PCNT: variants seen among roughly 807,000 people sequenced by gnomAD.
PCNT encodes the protein kendrin.
PCNT carries 319 observed loss-of-function variants against 380.4 expected under a neutral mutation model. That is an observed-to-expected ratio of 0.84 (90% CI 0.77 to 0.92). PCNT has a LOEUF of 0.92. PCNT is among the 40% of genes least tolerant of loss of function. PCNT has a pLI of 0.00. For synonymous variants in PCNT, 1,845 were observed against 1,735.2 expected (o/e 1.06, Z -1.57); for missense variants, 4,400 against 4,255.3 (o/e 1.03, Z -0.95).
chr21:46,324,474 C>T (rs2083289060), intron 1 of PCNT, among the ~76,000 whole-genome samples, 192 bp downstream of exon 1: 2 of 151,658 alleles, frequency 1.3e-5, no homozygotes, highest in South Asian at 2.1e-4. Flanking sequence ...CGCTCTCCGC[C>T]AGGTCCCGCC....
chr21:46,325,229 C>G (rs906539828), intron 1 of PCNT: 2 of 982,130 alleles, frequency 2.0e-6, no homozygotes, highest in Non-Finnish European at 2.4e-6. Context: ...CGCTCCCCCC[C>G]AGGATGTTCT....
chr21:46,413,804 G>A (rs1467823264), intron 29 of PCNT, among the ~76,000 whole-genome samples: 1 of 152,148 alleles, frequency 6.6e-6, no homozygotes, highest in East Asian at 1.9e-4. Context: ...TTTCCCCGGG[G>A]AAGGAGGTTG....
chr21:46,347,494 A>G lies in PCNT; in HGVS notation c.1014A>G (p.Lys338=). The change falls in exon 6 of 47, where the codon AAA becomes AAG. Residue 338 remains lysine (K), a synonymous_variant. Coordinates refer to ENST00000359568, the MANE Select transcript of PCNT (RefSeq NM_006031.6). ...AGAAGTTACAATCAGAAATGGAGAAAAACGCCCAGATAGTAAAGGTACCCG... is the reference window on the plus strand; with the variant it reads ...AGAAGTTACAATCAGAAATGGAGAAGAACGCCCAGATAGTAAAGGTACCCG... ...LKEKLQSEME[K]NAQIVKTLKE... 6.2e-7 allele frequency: 1 copy of G among 1,614,060 alleles called. No homozygotes were observed. The highest frequency in any genetic ancestry group is 1.3e-5 in the African/African-American group (1 of 75,010).
Position 46,388,931 on chromosome 21 carries a change from C to T in PCNT, c.3607+47C>T, listed in dbSNP as rs1442232760. On this transcript the variant is annotated intron_variant, in intron 18 of 46. Transcript: ENST00000359568. The surrounding 1 kb of genome is among the most constrained non-coding windows in gnomAD (Gnocchi z 4.2). Reference sequence around the variant, plus strand: ...GCCCAGCCCTGTGCTTGCAGCCCCTCTGTGGTCCTGGAGCTCTCTGAGAGG... The same window carrying T: ...GCCCAGCCCTGTGCTTGCAGCCCCTTTGTGGTCCTGGAGCTCTCTGAGAGG... 1 of 1,551,104 alleles carries T rather than the reference C, an allele frequency of 6.4e-7. No individual in the cohort carries two copies. Among genetic ancestry groups the T allele is most frequent in the Non-Finnish European group, 8.7e-7 (1 of 1,154,458 alleles).
At chr21:46,380,126 A>AACC (rs2085467288) in intron 15 of PCNT, among the ~76,000 whole-genome samples, 1 of 143,306 alleles carries the variant, frequency 7.0e-6, no homozygotes, top group South Asian at 2.3e-4. Flanking sequence ...GACTGTTTCC[A>AACC]ACCGGTGCCC....
chr21:46,362,094 A>G (rs1250161137), intron 13 of PCNT, among the ~76,000 whole-genome samples: 2 of 152,162 alleles, frequency 1.3e-5, no homozygotes, highest in African/African-American at 2.4e-5. Context: ...TTCAGACTGC[A>G]TGCTCCCCTG....
At chr21:46,331,687 G>A (rs372681359) in intron 2 of PCNT, among the ~76,000 whole-genome samples, 69 of 152,112 alleles carry the variant, frequency 4.5e-4, no homozygotes, top group African/African-American at 9.6e-4. Context: ...GATCACCTGC[G>A]CCCAGGAGTT....
chr21:46,438,099 A>C, intron 40 of PCNT, 65 bp from the exon 41 acceptor site: 1 of 1,313,968 alleles, frequency 7.6e-7, no homozygotes, highest in Non-Finnish European at 1.1e-6. Flanking sequence ...TGTTGACAAA[A>C]AACACAAGTA....
chr21:46,409,473 C>A (rs1460301948), intron 27 of PCNT, among the ~76,000 whole-genome samples: 2 of 152,142 alleles, frequency 1.3e-5, no homozygotes, highest in Non-Finnish European at 2.9e-5. Context: ...CAGGCGTGAG[C>A]CACTGTGCCC....
At chr21:46,347,110 T>C (rs2084097816) in intron 5 of PCNT, 112 bp downstream of exon 5, 1 of 1,317,634 alleles carries the variant, frequency 7.6e-7, no homozygotes, top group Non-Finnish European at 1.0e-6. Context: ...TCTCCCCATC[T>C]CTGTTCTCAG....
chr21:46,405,674 C>A (rs1009162263), intron 27 of PCNT, among the ~76,000 whole-genome samples: 1 of 151,826 alleles, frequency 6.6e-6, no homozygotes, highest in South Asian at 2.1e-4. Flanking sequence ...GCAGCCTGGG[C>A]GACAGAGCAA....
Position 46,432,050 on chromosome 21 carries a change from G to A in PCNT, c.8586G>A (p.Glu2862=). 6.2e-7 allele frequency: 1 copy of A among 1,613,972 alleles called. No homozygotes were observed. The highest frequency in any genetic ancestry group is 8.5e-7 in the Non-Finnish European group (1 of 1,180,016). Residue 2862 remains glutamate (E), a synonymous_variant, in exon 38 of 47, where the codon GAG becomes GAA. Transcript: ENST00000359568. ...AACGAGAGCTGAGATGCTCTCTGGA[G>A]AGAGAGAGGGAGAAACCAGCGTGGT... The part of the protein sequence containing the change: ...TQKRELRCSL[E]REREKPAWLQ...
chr21:46,333,949 G>A (rs1014613996), intron 2 of PCNT, among the ~76,000 whole-genome samples: 1 of 152,074 alleles, frequency 6.6e-6, no homozygotes, highest in African/African-American at 2.4e-5. Flanking sequence ...GCTCATGCCT[G>A]TAATCCCAGC....
chr21:46,432,244 A>G (rs753729338), intron 38 of PCNT, 29 bp downstream of exon 38: 1 of 1,576,532 alleles, frequency 6.3e-7, no homozygotes, highest in Non-Finnish European at 8.6e-7. Context: ...CGGAGCGTCC[A>G]CACCTAAAAA....
chr21:46,429,940 C>G (rs1216965942), intron 35 of PCNT, 70 bp from the exon 36 acceptor site: 3 of 1,296,212 alleles, frequency 2.3e-6, no homozygotes, highest in Admixed American at 3.5e-5. Flanking sequence ...GAGTCTGTCT[C>G]TAACCTGGTG....
chr21:46,327,952 G>A (rs913413102), intron 2 of PCNT, among the ~76,000 whole-genome samples: 1 of 152,136 alleles, frequency 6.6e-6, no homozygotes, highest in Non-Finnish European at 1.5e-5. Context: ...GGCTCCTTGG[G>A]GGCCTACAAA....
chr21:46,437,035 C>A lies in PCNT; in HGVS notation c.9053C>A (p.Thr3018Lys). ...NEKAVMSLLH[T>K]LEELKSDLSR... ...AAAGCAGTGATGTCTTTACTGCACA[C>A]GTTGGAGGAGCTGAAGTCTGACTTG... is the stretch of plus-strand genomic sequence containing the variant. Residue 3018 changes from threonine (T) to lysine (K), a missense_variant, in exon 40 of 47, where the codon ACG (threonine) becomes AAG (lysine). Physicochemically the swap from Thr to Lys is moderately conservative, Grantham distance 78 (BLOSUM62 -1). Transcript: ENST00000359568. 6.2e-7 allele frequency: 1 copy of A among 1,614,150 alleles called. No individual in the cohort carries two copies. The highest frequency in any genetic ancestry group is 8.5e-7 in the Non-Finnish European group (1 of 1,179,996).
chr21:46,373,814 C>G (rs2085241879), intron 15 of PCNT, among the ~76,000 whole-genome samples: 2 of 149,178 alleles, frequency 1.3e-5, no homozygotes, highest in South Asian at 4.2e-4. Context: ...ACTGCAACCT[C>G]CGCCCCCCGG....
chr21:46,359,497 T>TTTTTTTTTTG (rs2084623048), intron 13 of PCNT, among the ~76,000 whole-genome samples: 1 of 115,424 alleles, frequency 8.7e-6, no homozygotes, highest in Non-Finnish European at 2.0e-5. Context: ...TTTTGTTTTT[T>TTTTTTTTTTG]TTTTTTTTTT....
Sources: gnomAD v4.1 joint callset for allele counts (sites outside exome capture counted in the v4.1 genomes callset) on GRCh38, gnomAD v4.1.1 for gene constraint, Gnocchi (gnomAD v3.1) non-coding constraint, MANE v1.5 for transcripts, NCBI Gene and HGNC (gene_info 2026-07-23, HGNC 2026-07-21) for gene names.